The following DENND1A variants were observed in gnomAD, a reference collection of about 807,000 sequenced individuals.
The protein encoded by DENND1A is DENN domain containing 1A.
Under a neutral mutation model 113.7 loss-of-function variants are expected in DENND1A, and 51 were observed. The ratio of observed to expected loss-of-function variants is 0.45; its 90% CI spans 0.36 to 0.57. The LOEUF (loss-of-function observed/expected upper bound fraction) is 0.57. DENND1A is among the 20% of genes least tolerant of loss of function. The pLI is 0.00. For synonymous variants in DENND1A, 565 were observed against 570.8 expected (o/e 0.99, Z 0.14); for missense variants, 1,258 against 1,395.9 (o/e 0.90, Z 1.57).
At chr9:123,859,685 A>G (rs1050108409) in intron 2 of DENND1A, among the ~76,000 whole-genome samples, 1 of 152,182 alleles carries the variant, frequency 6.6e-6, no homozygotes, top group Non-Finnish European at 1.5e-5. Context: ...TGAAGCCTAT[A>G]CAAATGCTAG....
chr9:123,659,439 C>G (rs1031634375), intron 8 of DENND1A, among the ~76,000 whole-genome samples: 3 of 152,124 alleles, frequency 2.0e-5, no homozygotes, highest in Non-Finnish European at 4.4e-5. Context: ...ATCTCCATAA[C>G]CATGAATATG....
At chr9:123,611,037 A>G (rs1564813663) in intron 10 of DENND1A, among the ~76,000 whole-genome samples, 1 of 152,246 alleles carries the variant, frequency 6.6e-6, no homozygotes, top group Non-Finnish European at 1.5e-5. Flanking sequence ...CAGTAATATA[A>G]TATGTCTTGG....
intron 18 of DENND1A, among the ~76,000 whole-genome samples, chr9:123,442,275 T>C (rs1023045889): frequency 2.6e-5 from 4 of 152,140 alleles, no homozygotes; most frequent in Admixed American, 6.5e-5. Context: ...CTGGCTTTAC[T>C]GGGAGGGCTT....
chr9:123,823,872 G>C (rs980657429), intron 2 of DENND1A, among the ~76,000 whole-genome samples: 2 of 152,096 alleles, frequency 1.3e-5, no homozygotes, highest in Admixed American at 1.3e-4. Context: ...CAGGTTTCTG[G>C]CACAAGAAAC....
intron 10 of DENND1A, among the ~76,000 whole-genome samples, chr9:123,612,711 G>A (rs749307456): frequency 5.3e-5 from 8 of 152,142 alleles, no homozygotes; most frequent in Non-Finnish European, 8.8e-5. Context: ...TGATAAAAAT[G>A]AACACCTTCA....
intron 2 of DENND1A, among the ~76,000 whole-genome samples, chr9:123,823,150 A>G (rs990184029): frequency 2.0e-5 from 3 of 152,232 alleles, no homozygotes; most frequent in African/African-American, 7.2e-5. Flanking sequence ...TCAAAAAACT[A>G]GAGTGTATGG....
intron 1 of DENND1A, among the ~76,000 whole-genome samples, chr9:123,886,047 G>C (rs965484335): frequency 1.3e-5 from 2 of 152,152 alleles, no homozygotes; most frequent in African/African-American, 4.8e-5. Flanking sequence ...CAAAGTTCTG[G>C]GATTACAGGC....
At chr9:123,526,590 G>C (rs2054869809) in intron 13 of DENND1A, among the ~76,000 whole-genome samples, 3 of 152,134 alleles carry the variant, frequency 2.0e-5, no homozygotes, top group Admixed American at 2.0e-4. Context: ...ATTGAAACTG[G>C]TCTCACCCAA....
intron 5 of DENND1A, among the ~76,000 whole-genome samples, chr9:123,689,741 G>A (rs1280177182): frequency 2.6e-5 from 4 of 152,064 alleles, no homozygotes; most frequent in African/African-American, 4.8e-5. Context: ...AAGCCAAGGC[G>A]GGTGGGTCAC....
intron 5 of DENND1A, among the ~76,000 whole-genome samples, chr9:123,700,943 T>C (rs769877322): frequency 3.3e-5 from 5 of 152,250 alleles, no homozygotes; most frequent in Non-Finnish European, 7.3e-5. Flanking sequence ...TATCCCTTGG[T>C]ATTTCATATT....
chr9:123,847,528 T>A (rs1842786581), intron 2 of DENND1A, among the ~76,000 whole-genome samples: 1 of 152,162 alleles, frequency 6.6e-6, no homozygotes, highest in East Asian at 1.9e-4. Context: ...GAGGTTAGAA[T>A]AAGGACATCT....
intron 13 of DENND1A, among the ~76,000 whole-genome samples, chr9:123,464,488 A>G (rs2133157789): frequency 6.6e-6 from 1 of 152,340 alleles, no homozygotes; most frequent in South Asian, 2.1e-4. Flanking sequence ...AGTCGCAAAT[A>G]GATCAACGCT....
At chr9:123,390,862 C>T (rs2131023763) in intron 21 of DENND1A, among the ~76,000 whole-genome samples, 1 of 152,390 alleles carries the variant, frequency 6.6e-6, no homozygotes, top group Middle Eastern at 3.4e-3. Flanking sequence ...CCTTGGTTGC[C>T]TTTCCGACAC....
intron 1 of DENND1A, among the ~76,000 whole-genome samples, chr9:123,929,353 AAG>A (rs1290642093): frequency 3.3e-5 from 5 of 152,138 alleles, no homozygotes; most frequent in African/African-American, 1.2e-4. Flanking sequence ...TTTCACAGAT[AAG>A]AGGGGGGAAA....
At chr9:123,557,435 C>T in intron 13 of DENND1A, 135 bp downstream of exon 13, 3 of 1,339,642 alleles carry the variant, frequency 2.2e-6, no homozygotes, top group Admixed American at 4.4e-5. Context: ...GTACACTGTC[C>T]CCCACCACAA....
Position 123,381,107 on chromosome 9 carries a change from T to G in DENND1A, c.*325A>C. On this transcript the variant is annotated 3_prime_UTR_variant, in exon 24 of 24. Transcript: ENST00000394215. The surrounding 1 kb of genome is among the most constrained non-coding windows in gnomAD (Gnocchi z 4.7). ...CTCTTGGGACACTTCCGGGGGAAGG[T>G]GGGTAGGACTCGGTCTGGAGCAATA... 5 of 301,732 alleles carry G rather than the reference T, an allele frequency of 1.7e-5. No individual in the cohort carries two copies. The highest frequency in any genetic ancestry group is 3.9e-5 in the South Asian group (1 of 25,852). 18.7% of individuals were successfully genotyped at this position (301,732 alleles called of 1,614,324 possible). A position where few individuals can be genotyped will look rare whatever the true frequency, so the allele number is the denominator to read the frequency against.
chr9:123,737,288 G>A (rs997767374), intron 5 of DENND1A, among the ~76,000 whole-genome samples: 5 of 152,044 alleles, frequency 3.3e-5, no homozygotes, highest in African/African-American at 1.2e-4. Flanking sequence ...TTGAACTCCT[G>A]GGGCTCAAGC....
intron 5 of DENND1A, among the ~76,000 whole-genome samples, chr9:123,732,307 G>A (rs913211931): frequency 3.3e-5 from 5 of 152,076 alleles, no homozygotes; most frequent in African/African-American, 7.2e-5. Context: ...CTTCAATAGC[G>A]AATAAACAAA....
At chr9:123,818,565 CACAT>C (rs781635173) in intron 2 of DENND1A, among the ~76,000 whole-genome samples, 5,835 of 45,030 alleles carry the variant, frequency 0.13, 120 homozygotes, top group Non-Finnish European at 0.24. Flanking sequence ...CACACACACA[CACAT>C]ATATATATAT....
Sources: gnomAD v4.1 joint callset for allele counts (sites outside exome capture counted in the v4.1 genomes callset) on GRCh38, gnomAD v4.1.1 for gene constraint, Gnocchi (gnomAD v3.1) non-coding constraint, MANE v1.5 for transcripts, NCBI Gene and HGNC (gene_info 2026-07-23, HGNC 2026-07-21) for gene names.